Variants in AGO2 observed in about 807,000 individuals in gnomAD.
AGO2 encodes the protein protein argonaute-2.
Under a neutral mutation model 102.3 loss-of-function variants are expected in AGO2, and 5 were observed. The observed-to-expected ratio is 0.05, with a 90% CI of 0.03 to 0.10. AGO2 has a LOEUF of 0.10. Among genes scored for constraint, AGO2 ranks in the 10% least tolerant of loss-of-function variants. AGO2 has a pLI of 1.00. For missense variants in AGO2, 541 were observed against 1,183.7 expected (o/e 0.46, Z 7.97); for synonymous variants, 449 against 473.1 (o/e 0.95, Z 0.66).
At chr8:140,607,421 G>C (rs932899830) in intron 1 of AGO2, among the ~76,000 whole-genome samples, 25 of 146,040 alleles carry the variant, frequency 1.7e-4, no homozygotes, top group Admixed American at 1.6e-3. Context: ...GGGCAACCTA[G>C]TGAGACCCCG....
chr8:140,634,883 C>A (rs1393135373), intron 1 of AGO2, among the ~76,000 whole-genome samples: 1 of 152,126 alleles, frequency 6.6e-6, no homozygotes, highest in Admixed American at 6.5e-5. Flanking sequence ...GGAAAAGGGG[C>A]CGAAGAAGTG....
At chr8:140,632,525 TGTGGCAAATCTGCGA>T (rs1159816194) in intron 1 of AGO2, among the ~76,000 whole-genome samples, 1 of 152,246 alleles carries the variant, frequency 6.6e-6, no homozygotes, top group Non-Finnish European at 1.5e-5. Flanking sequence ...GAGGTTACTT[TGTGGCAAATCTGCGA>T]GGGGTGTAAC....
intron 2 of AGO2, among the ~76,000 whole-genome samples, chr8:140,583,845 A>T (rs2073598990): frequency 6.6e-6 from 1 of 152,226 alleles, no homozygotes; most frequent in African/African-American, 2.4e-5. Flanking sequence ...ACTGGACTCC[A>T]GGGTGACAGA....
intron 1 of AGO2, among the ~76,000 whole-genome samples, chr8:140,620,873 A>AT (rs2074208946): frequency 6.6e-6 from 1 of 152,096 alleles, no homozygotes; most frequent in Non-Finnish European, 1.5e-5. Context: ...AGAAAAAAAA[A>AT]ATTTTTCTCA....
At chr8:140,593,550 T>TAAAAAAAAAAAA in intron 1 of AGO2, among the ~76,000 whole-genome samples, 1 of 135,446 alleles carries the variant, frequency 7.4e-6, no homozygotes, top group Non-Finnish European at 1.6e-5. Flanking sequence ...CTAGGAAAGT[T>TAAAAAAAAAAAA]AAAAAAAAAA....
the AGO2 span, among the ~76,000 whole-genome samples, chr8:140,642,030 C>T: frequency 6.7e-6 from 1 of 149,472 alleles, no homozygotes; most frequent in Non-Finnish European, 1.5e-5. Flanking sequence ...CAACAGAGAC[C>T]GTCTCAAAAA....
At chr8:140,600,720 C>G (rs1440457346) in intron 1 of AGO2, among the ~76,000 whole-genome samples, 1 of 151,752 alleles carries the variant, frequency 6.6e-6, no homozygotes, top group East Asian at 1.9e-4. Context: ...TCTGTTTTCC[C>G]ATTCGGAGGA....
intron 1 of AGO2, among the ~76,000 whole-genome samples, chr8:140,612,417 C>T (rs2074092865): frequency 1.3e-5 from 2 of 152,166 alleles, no homozygotes; most frequent in South Asian, 2.1e-4. Flanking sequence ...AGGATCCATT[C>T]GGGCTGCAGT....
chr8:140,572,755 T>C (rs2073400270), intron 3 of AGO2, 57 bp downstream of exon 3: 3 of 1,582,544 alleles, frequency 1.9e-6, no homozygotes, highest in South Asian at 2.3e-5. Context: ...CTTTACAACA[T>C]GTGTGAGCTT....
chr8:140,543,896 G>A, intron 14 of AGO2, among the ~76,000 whole-genome samples: 1 of 152,212 alleles, frequency 6.6e-6, no homozygotes, highest in Non-Finnish European at 1.5e-5. Flanking sequence ...GGGGGCACAG[G>A]CGTCATCACA....
chr8:140,632,952 C>CA (rs2152112133), intron 1 of AGO2, among the ~76,000 whole-genome samples: 1 of 150,276 alleles, frequency 6.7e-6, no homozygotes, highest in East Asian at 2.0e-4. Context: ...CTCACTCTGT[C>CA]CCCAGGCTGG....
In AGO2 at chr8:140,557,425, G is replaced by C. The variant is rs564845166; in HGVS notation, c.879-189C>G. Among the ~76,000 whole-genome samples, 2 of 152,280 alleles carry C rather than the reference G, an allele frequency of 1.3e-5. No homozygotes were observed. Among genetic ancestry groups the C allele is most frequent in the South Asian group, 4.1e-4 (2 of 4,820 alleles). On this transcript the variant is annotated intron_variant, in intron 7 of 18. Transcript: ENST00000220592. This position sits in a 1 kb window ranked among gnomAD's most constrained non-coding sequence, Gnocchi z 5.9. ...TTCTGAGCCCCTAAATTCTCATTTT[G>C]TTTCTGGAGTTGGGAAACAAAAAAT... is the stretch of plus-strand genomic sequence containing the variant.
chr8:140,638,802 T>G (rs563975622), upstream of AGO2, among the ~76,000 whole-genome samples: 1 of 152,220 alleles, frequency 6.6e-6, no homozygotes, highest in African/African-American at 2.4e-5. Context: ...CTTGAACTGC[T>G]TGGCCCAAGT....
rs536270566 is a variant in AGO2, at chr8:140,546,753, A to T, written c.1748+715T>A. On this transcript the variant is annotated intron_variant, in intron 13 of 18. Coordinates refer to ENST00000220592, the MANE Select transcript of AGO2 (RefSeq NM_012154.5). ...CGTATTCTCCGTTGTTGTCGTCCAA[A>T]TGTTAAGACAACTGCCAGGGTTGGC... Among the ~76,000 whole-genome samples, 3 of 152,302 alleles carry T rather than the reference A, an allele frequency of 2.0e-5. No individual in the cohort carries two copies. The South Asian group carries it at 6.2e-4, about 32-fold the overall frequency.
chr8:140,580,254 G>A lies in AGO2; in HGVS notation c.215+4865C>T, dbSNP rs145572886. ...GGGAAAGGGGTGGACTATACTGCAG[G>A]GCCTGAGGGCACTGAGGCTGCTTCA... is the stretch of plus-strand genomic sequence containing the variant. On this transcript the variant is annotated intron_variant, in intron 2 of 18. Transcript: ENST00000220592. Among the ~76,000 whole-genome samples the A allele has an allele frequency of 2.9e-3, 440 of 152,366 alleles. 1 individual carries two copies. The highest frequency in any genetic ancestry group is 8.4e-3 in the African/African-American group (349 of 41,590).
At chr8:140,641,773 G>A in the AGO2 span, among the ~76,000 whole-genome samples, 2 of 152,080 alleles carry the variant, frequency 1.3e-5, no homozygotes, top group African/African-American at 2.4e-5. Context: ...TAGTAGAGAC[G>A]GGGTTTTGCC....
chr8:140,636,074 G>A (rs1258424218), upstream of AGO2, among the ~76,000 whole-genome samples: 2 of 151,454 alleles, frequency 1.3e-5, no homozygotes, highest in Non-Finnish European at 3.0e-5. Context: ...CCCCCCGGTG[G>A]GGGGCGCAGA....
At chr8:140,591,242 A>G (rs1350012921) in intron 1 of AGO2, among the ~76,000 whole-genome samples, 1 of 152,266 alleles carries the variant, frequency 6.6e-6, no homozygotes, top group Non-Finnish European at 1.5e-5. Flanking sequence ...GAGCATTTCC[A>G]ACCTGTCTCA....
At chr8:140,582,317 C>A (rs1216307636) in intron 2 of AGO2, among the ~76,000 whole-genome samples, 1 of 152,128 alleles carries the variant, frequency 6.6e-6, no homozygotes, top group African/African-American at 2.4e-5. Context: ...AATCTGAAAA[C>A]CCCAAATCCA....
Sources: allele counts gnomAD v4.1 joint callset (sites outside exome capture counted in the v4.1 genomes callset), GRCh38; gene constraint gnomAD v4.1.1; non-coding constraint Gnocchi (gnomAD v3.1); transcripts MANE v1.5; gene names NCBI Gene and HGNC (gene_info 2026-07-23, HGNC 2026-07-21).